Variants in DMD observed in about 807,000 individuals in gnomAD.
DMD encodes dystrophin, also known as mutant dystrophin.
Under a neutral mutation model 330.1 loss-of-function variants are expected in DMD, and 63 were observed. The ratio of observed to expected loss-of-function variants is 0.19; its 90% CI spans 0.16 to 0.24. DMD has a LOEUF of 0.24. Among genes scored for constraint, DMD ranks in the 10% least tolerant of loss-of-function variants. DMD has a pLI of 1.00. For missense variants in DMD, 3,344 were observed against 2,684.1 expected (o/e 1.25, Z -5.43); for synonymous variants, 1,223 against 959.8 (o/e 1.27, Z -5.07).
At position 32,214,172 on chromosome X, in the gene DMD, T is replaced by G. The variant is rs761162526; in HGVS notation, c.6438+2744A>C. On this transcript the variant is annotated intron_variant, in intron 44 of 78. Coordinates refer to ENST00000357033, the MANE Select transcript of DMD (RefSeq NM_004006.3). ...AGTTTGTTTTGGACTTGTTTTCAAGTTGGAGTAAAGGAGGCTGAACTTAAT... is the reference window on the plus strand; with the variant it reads ...AGTTTGTTTTGGACTTGTTTTCAAGGTGGAGTAAAGGAGGCTGAACTTAAT... Among the ~76,000 whole-genome samples, 8 of 108,860 alleles carry G rather than the reference T, an allele frequency of 7.3e-5. No individual in the cohort carries two copies. The East Asian group carries it at 2.0e-3, about 27-fold the overall frequency. 94.5% of individuals were successfully genotyped at this position (108,860 alleles called of 115,157 possible). A position where few individuals can be genotyped will look rare whatever the true frequency, so the allele number is the denominator to read the frequency against.
At chrX:31,725,872 T>G (rs180854208) in intron 52 of DMD, among the ~76,000 whole-genome samples, 123 of 112,553 alleles carry the variant, frequency 1.1e-3, no homozygotes, top group East Asian at 9.2e-3. Context: ...CCAAATCCTC[T>G]TCACTGCTAT....
chrX:31,885,035 T>A (rs2149724755), intron 47 of DMD, among the ~76,000 whole-genome samples: 1 of 111,593 alleles, frequency 9.0e-6, no homozygotes, highest in Non-Finnish European at 1.9e-5. Context: ...TTAGCAACAA[T>A]AAAATTACTA....
intron 43 of DMD, among the ~76,000 whole-genome samples, chrX:32,228,842 G>A (rs2097157331): frequency 9.0e-6 from 1 of 111,588 alleles, no homozygotes; most frequent in African/African-American, 3.2e-5. Context: ...TATAATAGGT[G>A]TAGGAACTTT....
At chrX:32,320,286 A>T (rs1399625364) in intron 41 of DMD, among the ~76,000 whole-genome samples, 1 of 111,652 alleles carries the variant, frequency 9.0e-6, no homozygotes, top group Non-Finnish European at 1.9e-5. Context: ...CATGTGTCAT[A>T]ATTATGTTTT....
chrX:31,215,875 G>A (rs979747805), intron 64 of DMD, among the ~76,000 whole-genome samples: 1 of 112,382 alleles, frequency 8.9e-6, no homozygotes, highest in African/African-American at 3.2e-5. Flanking sequence ...AGACTGAAAA[G>A]CTAGAAATTG....
intron 2 of DMD, among the ~76,000 whole-genome samples, chrX:33,013,841 AC>A (rs1269780180): frequency 9.2e-5 from 10 of 108,595 alleles, no homozygotes; most frequent in Non-Finnish European, 1.5e-4. Flanking sequence ...GTGTGCGCGC[AC>A]GCGCGTGTGT....
intron 62 of DMD, among the ~76,000 whole-genome samples, chrX:31,267,815 T>C (rs1261079504): frequency 1.8e-5 from 2 of 112,525 alleles, no homozygotes; most frequent in East Asian, 5.5e-4. Context: ...TTGGAAATAC[T>C]CAAAAGAAGA....
At chrX:31,368,262 T>C (rs2059365007) in intron 60 of DMD, among the ~76,000 whole-genome samples, 1 of 112,626 alleles carries the variant, frequency 8.9e-6, no homozygotes. Context: ...ACTCATATCA[T>C]ATAGTTCACA....
chrX:33,179,918 C>T (rs780810904), intron 1 of DMD, among the ~76,000 whole-genome samples: 1 of 107,598 alleles, frequency 9.3e-6, no homozygotes. Context: ...CTCACCTCAA[C>T]CTCCGTCTCC....
intron 7 of DMD, among the ~76,000 whole-genome samples, chrX:32,766,823 T>G (rs1427951466): frequency 8.9e-6 from 1 of 111,735 alleles, no homozygotes; most frequent in African/African-American, 3.2e-5. Flanking sequence ...ACTAGCTTGA[T>G]TTAATTACTC....
At chrX:31,429,618 A>G (rs1184311128) in intron 60 of DMD, among the ~76,000 whole-genome samples, 1 of 111,739 alleles carries the variant, frequency 8.9e-6, no homozygotes, top group Non-Finnish European at 1.9e-5. Context: ...AGAAGCTACA[A>G]GACTCCTTCT....
In DMD at chrX:31,627,751, A is replaced by G. The variant is rs1474533423; in HGVS notation, c.8139T>C (p.Asn2713=). ...CCTTACGGGTAGCATCCTGTAGGAC[A>G]TTGGCAGTTGTTTCAGCTTCTGTAA... ...AWLTEAETTA[N]VLQDATRKER... The change falls in exon 55 of 79, where the codon AAT becomes AAC. Residue 2713 remains asparagine (N), a synonymous_variant. Coordinates refer to ENST00000357033, the MANE Select transcript of DMD (RefSeq NM_004006.3). 2.5e-6 allele frequency: 3 copies of G among 1,209,490 alleles called. No individual in the cohort carries two copies. Among genetic ancestry groups the G allele is most frequent in the African/African-American group, 3.5e-5 (2 of 57,140 alleles).
chrX:31,958,840 C>G (rs747039288), intron 45 of DMD, among the ~76,000 whole-genome samples: 38 of 111,612 alleles, frequency 3.4e-4, no homozygotes, highest in Non-Finnish European at 5.8e-4. Flanking sequence ...GTTTTCTGAT[C>G]ACCTTATTTT....
chrX:31,144,566 A>G (rs60623979), intron 76 of DMD, among the ~76,000 whole-genome samples: 10,161 of 111,856 alleles, frequency 0.091, 922 homozygotes, highest in African/African-American at 0.29. Context: ...TGGTTAAGGC[A>G]CTTTGCCTCC....
chrX:32,461,131 C>T (rs924940129), intron 25 of DMD, among the ~76,000 whole-genome samples: 2 of 111,456 alleles, frequency 1.8e-5, no homozygotes, highest in Non-Finnish European at 3.8e-5. Flanking sequence ...TTTATGTTTT[C>T]GCAGACATTG....
At chrX:32,850,949 C>T (rs941228794) in intron 2 of DMD, among the ~76,000 whole-genome samples, 1 of 111,146 alleles carries the variant, frequency 9.0e-6, no homozygotes, top group African/African-American at 3.3e-5. Flanking sequence ...CTAAAAGGTA[C>T]TATTACATAG....
At chrX:33,199,597 G>A (rs192445634) in intron 1 of DMD, among the ~76,000 whole-genome samples, 70 of 111,430 alleles carry the variant, frequency 6.3e-4, no homozygotes, top group African/African-American at 2.2e-3. Context: ...CTAAGCTAGA[G>A]GTATAACTTG....
At chrX:31,682,677 C>T (rs2082447695) in intron 52 of DMD, among the ~76,000 whole-genome samples, 1 of 112,150 alleles carries the variant, frequency 8.9e-6, no homozygotes, top group African/African-American at 3.2e-5. Flanking sequence ...ATACAGTTGA[C>T]ATTCCTTAAA....
At chrX:31,864,031 A>C (rs1041938878) in intron 48 of DMD, among the ~76,000 whole-genome samples, 8 of 111,484 alleles carry the variant, frequency 7.2e-5, no homozygotes, top group African/African-American at 2.6e-4. Context: ...CACGGGATAC[A>C]TTCTAAACTG....
Sources: allele counts gnomAD v4.1 joint callset (sites outside exome capture counted in the v4.1 genomes callset), GRCh38; gene constraint gnomAD v4.1.1; transcripts MANE v1.5; gene names NCBI Gene and HGNC (gene_info 2026-07-23, HGNC 2026-07-21).